The following ERMAP variants were observed in gnomAD, a reference collection of about 807,000 sequenced individuals.
ERMAP encodes the protein erythroblast membrane associated protein (Scianna blood group).
ERMAP carries 34 observed loss-of-function variants against 49.5 expected under a neutral mutation model. The ratio of observed to expected loss-of-function variants is 0.69; its 90% CI spans 0.52 to 0.91. The LOEUF is 0.91. ERMAP is among the 40% of genes least tolerant of loss of function. The pLI is 0.00. For missense variants in ERMAP, 541 were observed against 582.6 expected (o/e 0.93, Z 0.74); for synonymous variants, 214 against 232.2 (o/e 0.92, Z 0.71).
intron 4 of ERMAP, among the ~76,000 whole-genome samples, chr1:42,833,382 A>T (rs926172357): frequency 1.3e-5 from 2 of 152,224 alleles, no homozygotes; most frequent in African/African-American, 4.8e-5. Flanking sequence ...TTTTGTATAT[A>T]TGTATCTCTG....
chr1:42,838,678 G>A (rs1176815142), intron 7 of ERMAP, among the ~76,000 whole-genome samples: 1 of 152,138 alleles, frequency 6.6e-6, no homozygotes, highest in African/African-American at 2.4e-5. Context: ...GGAGGGGAAG[G>A]GGAAGGAGGA....
At chr1:42,832,042 A>C (rs1048648476) in intron 4 of ERMAP, among the ~76,000 whole-genome samples, 2 of 152,208 alleles carry the variant, frequency 1.3e-5, no homozygotes, top group African/African-American at 4.8e-5. Flanking sequence ...CACTGGCTTC[A>C]CATGGTCACA....
intron 2 of ERMAP, among the ~76,000 whole-genome samples, chr1:42,826,498 T>C (rs939340474): frequency 6.6e-6 from 1 of 152,128 alleles, no homozygotes; most frequent in Non-Finnish European, 1.5e-5. Flanking sequence ...TCAGTGCAGA[T>C]GAAAAGTCTT....
intron 4 of ERMAP, among the ~76,000 whole-genome samples, chr1:42,832,460 CAGGTTCA>C: frequency 1.3e-5 from 2 of 152,014 alleles, no homozygotes; most frequent in Non-Finnish European, 2.9e-5. Context: ...CTCCGCCTCC[CAGGTTCA>C]AGTGATTCTC....
chr1:42,823,716 C>A (rs1023686064), intron 1 of ERMAP, among the ~76,000 whole-genome samples: 7 of 152,190 alleles, frequency 4.6e-5, no homozygotes, highest in Admixed American at 1.3e-4. Flanking sequence ...CTTTGATATG[C>A]AGCGTAACTG....
At chr1:42,824,087 GTA>G (rs1654470519) in intron 1 of ERMAP, among the ~76,000 whole-genome samples, 1 of 152,128 alleles carries the variant, frequency 6.6e-6, no homozygotes, top group Admixed American at 6.6e-5. Flanking sequence ...GCTCACGCCT[GTA>G]ATCCCAGCAC....
In ERMAP at chr1:42,817,155, T is replaced by C. The variant is rs945514099; in HGVS notation, c.-220T>C. The C allele has an allele frequency of 3.7e-5, 45 of 1,202,470 alleles. No individual in the cohort carries two copies. The African/African-American group carries it at 5.4e-4, about 14-fold the overall frequency. The allele number at this position is 1,202,470 out of a possible 1,614,324, so 74.5% of individuals were successfully genotyped here. On this transcript the variant is annotated 5_prime_UTR_variant, in exon 1 of 12. Transcript: ENST00000372517. ...TCTCCTGGAGGAAAATGGCGGTCGC[T>C]GGAGCCGCCGACCAAGAGGCTTGGG...
At position 42,842,505 on chromosome 1, in the gene ERMAP, G is replaced by A. The variant is rs1655085036; in HGVS notation, c.713-12G>A. 6.2e-7 allele frequency: 1 copy of A among 1,605,594 alleles called. No homozygotes were observed. Among genetic ancestry groups the A allele is most frequent in the South Asian group, 1.1e-5 (1 of 89,712 alleles). On this transcript the variant is annotated splice_polypyrimidine_tract_variant and intron_variant, in intron 11 of 11. Coordinates refer to ENST00000372517, the MANE Select transcript of ERMAP (RefSeq NM_001017922.2). The stretch of plus-strand genomic sequence containing the variant: ...ATACTTCCAAGCCTCACCTGTCTGT[G>A]TCTCTTTGCAGTGGCAGTGACCCTG...
chr1:42,817,418 C>T, intron 1 of ERMAP, 165 bp downstream of exon 1: 1 of 297,728 alleles, frequency 3.4e-6, no homozygotes, highest in Non-Finnish European at 5.4e-6. Context: ...TGGAAACCCG[C>T]GTAGAGGGCG....
intron 1 of ERMAP, chr1:42,825,377 C>A: frequency 4.5e-6 from 3 of 666,102 alleles, no homozygotes; most frequent in Non-Finnish European, 5.6e-6. Context: ...GAGGGAATTA[C>A]TATTGGCAGC....
chr1:42,834,571 T>C lies in ERMAP; in HGVS notation c.434-467T>C, dbSNP rs181156484. On this transcript the variant is annotated intron_variant, in intron 4 of 11. Transcript: ENST00000372517. ...TGTTTGTTTGTTTGTTTGTTTGTTT[T>C]TGAGATGGAGTTTCACTCTTGTCAC... 1.8e-3 allele frequency: 538 copies of C among 291,364 alleles called. 2 individuals are homozygous for C. Among genetic ancestry groups the C allele is most frequent in the African/African-American group, 0.012 (513 of 42,794 alleles). The allele number at this position is 291,364 out of a possible 1,614,324, so 18.0% of individuals were successfully genotyped here.
rs1008337586 is a variant in ERMAP, at chr1:42,819,019, C to T, written c.-122+1766C>T. 6.6e-6 allele frequency among the ~76,000 whole-genome samples: 1 copy of T among 151,938 alleles called. No individual in the cohort carries two copies. The highest frequency in any genetic ancestry group is 1.5e-5 in the Non-Finnish European group (1 of 67,998). ...AAGACACGGCAGGACCTTTAGAAGC[C>T]AGCTAAAAACAAACCAGCTATAGGG... On this transcript the variant is annotated intron_variant, in intron 1 of 11. Transcript: ENST00000372517. The surrounding 1 kb of genome is among the most constrained non-coding windows in gnomAD (Gnocchi z 5.1).
chr1:42,817,288 C>A, intron 1 of ERMAP, 35 bp downstream of exon 1: 2 of 1,211,286 alleles, frequency 1.7e-6, no homozygotes, highest in South Asian at 1.3e-5. Context: ...CTGGACCCAG[C>A]GCTGCCTGCC....
chr1:42,824,347 C>CAA lies in ERMAP; in HGVS notation c.-121-1264_-121-1263dup, dbSNP rs35093689. 596 of 137,754 alleles carry CAA rather than the reference C, an allele frequency of 4.3e-3. 8 individuals carry two copies. The highest frequency in any genetic ancestry group is 0.018 in the South Asian group (78 of 4,278). The allele number at this position is 137,754 out of a possible 1,614,324, so 8.5% of individuals were successfully genotyped here. A position where few individuals can be genotyped will look rare whatever the true frequency, so the allele number is the denominator to read the frequency against. ...TGGGCGACGGAGCGAGACTCTGTCT[C>CAA]AAAAAAAAAAAAAGAATGTTCAGGA... On this transcript the variant is annotated intron_variant, in intron 1 of 11. Coordinates refer to ENST00000372517, the MANE Select transcript of ERMAP (RefSeq NM_001017922.2).
intron 2 of ERMAP, 60 bp downstream of exon 2, chr1:42,825,798 G>A: frequency 7.8e-7 from 1 of 1,286,024 alleles, no homozygotes; most frequent in East Asian, 5.6e-5. Flanking sequence ...GGATCCTCAG[G>A]TTTAGTAGAG....
At chr1:42,829,982 C>T (rs946969012) in intron 2 of ERMAP, 5 of 162,296 alleles carry the variant, frequency 3.1e-5, no homozygotes, top group Non-Finnish European at 6.8e-5. Flanking sequence ...TCAGGGAAAC[C>T]TCCAGGCTGC....
In ERMAP at chr1:42,843,129, C is replaced by T; in HGVS notation, c.1325C>T (p.Ser442Phe). The T allele has an allele frequency of 6.2e-7, 1 of 1,614,184 alleles. No homozygotes were observed. The highest frequency in any genetic ancestry group is 8.5e-7 in the Non-Finnish European group (1 of 1,180,040). Reference protein sequence around the residue: ...ANGDVSLKVNSSLLPPKAPEL... With the variant: ...ANGDVSLKVNFSLLPPKAPEL... ...GGAGATGTGTCCCTCAAGGTGAACTCTTCTTTACTACCCCCGAAGGCCCCA... is the reference window on the plus strand; with the variant it reads ...GGAGATGTGTCCCTCAAGGTGAACTTTTCTTTACTACCCCCGAAGGCCCCA... Residue 442 changes from serine (S) to phenylalanine (F), a missense_variant, in exon 12 of 12, where the codon TCT becomes TTT. Transcript: ENST00000372517.
intron 3 of ERMAP, 32 bp downstream of exon 3, chr1:42,830,565 G>A: frequency 1.3e-6 from 2 of 1,598,554 alleles, no homozygotes; most frequent in South Asian, 1.1e-5. Flanking sequence ...TCCCTGCCTG[G>A]TACATGTGAT....
intron 2 of ERMAP, among the ~76,000 whole-genome samples, chr1:42,827,864 G>A (rs770782889): frequency 3.3e-5 from 5 of 152,072 alleles, no homozygotes; most frequent in Non-Finnish European, 5.9e-5. Context: ...CAATTCACTT[G>A]CATGGTACCC....
Sources: gnomAD v4.1 joint callset for allele counts (sites outside exome capture counted in the v4.1 genomes callset) on GRCh38, gnomAD v4.1.1 for gene constraint, Gnocchi (gnomAD v3.1) non-coding constraint, MANE v1.5 for transcripts, NCBI Gene and HGNC (gene_info 2026-07-23, HGNC 2026-07-21) for gene names.